THRAP3: variants seen among roughly 807,000 people sequenced by gnomAD.
THRAP3 encodes thyroid hormone receptor-associated protein 3.
Under a neutral mutation model 101.0 loss-of-function variants are expected in THRAP3, and 16 were observed. The ratio of observed to expected loss-of-function variants is 0.16; its 90% CI spans 0.11 to 0.24. THRAP3 has a LOEUF of 0.24. Ranked by LOEUF, THRAP3 falls within the 10% of genes least tolerant of loss-of-function variation. The probability of loss-of-function intolerance (pLI) is 1.00; values close to 1 mark genes in which losing one functional copy is unlikely to be tolerated. For synonymous variants in THRAP3, 407 were observed against 422.6 expected, an observed-to-expected ratio of 0.96 and a Z score of 0.45; for missense variants, 989 against 1,202.7, an observed-to-expected ratio of 0.82 and a Z score of 2.63.
At chr1:36,273,121 A>G (rs1030523293) in intron 2 of THRAP3, among the ~76,000 whole-genome samples, 1 of 152,250 alleles carries the variant, frequency 6.6e-6, no homozygotes, top group East Asian at 1.9e-4. Flanking sequence ...TCTCTGGTTC[A>G]TTTTGTAGCC....
chr1:36,274,713 A>G (rs1645633667), intron 2 of THRAP3, among the ~76,000 whole-genome samples: 2 of 134,002 alleles, frequency 1.5e-5, no homozygotes, highest in Admixed American at 1.8e-4. Flanking sequence ...TCTCACTGCA[A>G]CCTCTACCTC....
chr1:36,282,049 G>C, intron 2 of THRAP3, among the ~76,000 whole-genome samples: 1 of 150,798 alleles, frequency 6.6e-6, no homozygotes, highest in Non-Finnish European at 1.5e-5. Flanking sequence ...CTCTAGCCTG[G>C]GCAACAAAAG....
At position 36,274,605 on chromosome 1, in the gene THRAP3, T is replaced by TA. The variant is rs1570308508; in HGVS notation, c.-31-7927dup. 2.7e-5 allele frequency among the ~76,000 whole-genome samples: 4 copies of TA among 150,334 alleles called. No homozygotes were observed. The South Asian group carries it at 8.5e-4, about 32-fold the overall frequency. On this transcript the variant is annotated intron_variant, in intron 2 of 11. Coordinates refer to ENST00000354618, the MANE Select transcript of THRAP3 (RefSeq NM_005119.4). Reference sequence around the variant, plus strand: ...AATTGAGAGTCCGGAAATGAATCCTTACATTTATGATTAATTGGGCTTTTT... The same window carrying TA: ...AATTGAGAGTCCGGAAATGAATCCTTAACATTTATGATTAATTGGGCTTTTT...
At chr1:36,296,474 C>T in intron 8 of THRAP3, 109 bp from the exon 9 acceptor site, 1 of 833,728 alleles carries the variant, frequency 1.2e-6, no homozygotes, top group Admixed American at 2.9e-5. Flanking sequence ...TCACATTTCC[C>T]AGTGCTTCCT....
chr1:36,289,444 A>C lies in THRAP3; in HGVS notation c.1425A>C (p.Val475=). The change falls in exon 5 of 12, where the codon GTA becomes GTC. Residue 475 remains valine, a synonymous_variant. Coordinates refer to ENST00000354618, the MANE Select transcript of THRAP3 (RefSeq NM_005119.4). ...EEKSGKWEGL[V]YAPPGKEKQR... is the part of the protein sequence containing the mutation. ...AGTCAGGCAAATGGGAGGGCCTGGT[A>C]TATGCACCTCCAGGGAAGGAAAAGC... 1.9e-6 allele frequency: 3 copies of C among 1,614,244 alleles called. No individual in the cohort carries two copies. Among genetic ancestry groups the C allele is most frequent in the Non-Finnish European group, 2.5e-6 (3 of 1,180,044 alleles).
At chr1:36,232,889 T>TG (rs1251664868) in intron 1 of THRAP3, among the ~76,000 whole-genome samples, 1 of 148,208 alleles carries the variant, frequency 6.7e-6, no homozygotes. Flanking sequence ...CTTTTTTTTT[T>TG]TTTTTGAGAC....
At chr1:36,258,567 C>T (rs1408340480) in intron 1 of THRAP3, among the ~76,000 whole-genome samples, 1 of 152,176 alleles carries the variant, frequency 6.6e-6, no homozygotes, top group Non-Finnish European at 1.5e-5. Flanking sequence ...GCTCCACCTC[C>T]TGGGTTCACG....
Position 36,286,963 on chromosome 1 carries a change from C to G in THRAP3, c.733C>G (p.Arg245Gly), listed in dbSNP as rs187894311. Reference sequence around the variant, plus strand: ...CTCAGCAGTTTCTGAGCTGAGTCCTCGGGAGCGAAGCCCAGCTCTCAAAAG... The same window carrying G: ...CTCAGCAGTTTCTGAGCTGAGTCCTGGGGAGCGAAGCCCAGCTCTCAAAAG... Reference protein sequence around the residue: ...RASAVSELSPRERSPALKSPL... With the variant: ...RASAVSELSPGERSPALKSPL... The change falls in exon 4 of 12, where the codon CGG becomes GGG. Residue 245 changes from arginine to glycine, a missense_variant. Coordinates refer to ENST00000354618, the MANE Select transcript of THRAP3 (RefSeq NM_005119.4). The surrounding 1 kb of genome is among the most constrained non-coding windows in gnomAD (Gnocchi z 5.5). The G allele has an allele frequency of 2.5e-5, 41 of 1,614,090 alleles. No individual in the cohort carries two copies. The highest frequency in any genetic ancestry group is 2.5e-4 in the South Asian group (23 of 91,090).
chr1:36,264,015 TA>T (rs1417962084), intron 2 of THRAP3, among the ~76,000 whole-genome samples: 12 of 152,260 alleles, frequency 7.9e-5, no homozygotes, highest in Non-Finnish European at 8.8e-5. Context: ...TATTGCTGTG[TA>T]GGAAGATACC....
intron 1 of THRAP3, among the ~76,000 whole-genome samples, chr1:36,255,087 T>G (rs1197907035): frequency 6.7e-6 from 1 of 149,462 alleles, no homozygotes. Flanking sequence ...ATGCTTAGTA[T>G]TTTTTTTTTA....
intron 8 of THRAP3, 135 bp from the exon 9 acceptor site, chr1:36,296,448 G>T (rs1034895525): frequency 4.5e-6 from 3 of 668,674 alleles, no homozygotes; most frequent in Non-Finnish European, 7.4e-6. Context: ...TCCCTTCCAA[G>T]CTTGGGTGAG....
intron 6 of THRAP3, 95 bp downstream of exon 6, chr1:36,291,641 C>A (rs1002460181): frequency 7.1e-7 from 1 of 1,414,420 alleles, no homozygotes; most frequent in Non-Finnish European, 9.7e-7. Context: ...GACCTTGTAT[C>A]TCATCTAAAG....
chr1:36,290,848 G>C (rs931004792), intron 5 of THRAP3, among the ~76,000 whole-genome samples: 12 of 152,256 alleles, frequency 7.9e-5, no homozygotes, highest in Admixed American at 6.5e-4. Context: ...AAGGCTGACT[G>C]GTTTTTTACT....
chr1:36,215,080 C>T, the THRAP3 span, among the ~76,000 whole-genome samples: 20 of 151,494 alleles, frequency 1.3e-4, no homozygotes, highest in African/African-American at 3.4e-4. Flanking sequence ...AAAAATTAGC[C>T]GAGCATGGTG....
intron 2 of THRAP3, among the ~76,000 whole-genome samples, chr1:36,267,153 G>A (rs1393969371): frequency 6.6e-6 from 1 of 152,096 alleles, no homozygotes; most frequent in Non-Finnish European, 1.5e-5. Flanking sequence ...CAAAGTGCTG[G>A]TATTACAGGC....
At chr1:36,293,640 CTGTGTGTGTGTG>C (rs577292328) in intron 7 of THRAP3, among the ~76,000 whole-genome samples, 199 bp from the exon 8 acceptor site, 4,957 of 133,410 alleles carry the variant, frequency 0.037, 321 homozygotes, top group African/African-American at 0.13. Context: ...GAACCTGGGA[CTGTGTGTGTGTG>C]TGTGTGTGTG....
chr1:36,295,087 G>A (rs1332561757), intron 8 of THRAP3, among the ~76,000 whole-genome samples: 1 of 152,134 alleles, frequency 6.6e-6, no homozygotes, highest in African/African-American at 2.4e-5. Flanking sequence ...GCCGGGTGTG[G>A]TAGTGCATGC....
intron 2 of THRAP3, among the ~76,000 whole-genome samples, chr1:36,274,911 G>C (rs1289715767): frequency 6.6e-6 from 1 of 150,830 alleles, no homozygotes; most frequent in Non-Finnish European, 1.5e-5. Context: ...GATTACAGGC[G>C]TGAGCCACTG....
At position 36,257,843 on chromosome 1, in the gene THRAP3, G is replaced by GT. The variant is rs531501709; in HGVS notation, c.-134-1532dup. On this transcript the variant is annotated intron_variant, in intron 1 of 11. Coordinates refer to ENST00000354618, the MANE Select transcript of THRAP3 (RefSeq NM_005119.4). ...AGATGGATGTATTGGAATAGATTGT[G>GT]TTTTTTTGTTGTTTTGAGACAGAGT... 1.5e-4 allele frequency among the ~76,000 whole-genome samples: 23 copies of GT among 152,114 alleles called. No individual in the cohort carries two copies. The East Asian group carries it at 3.3e-3, about 22-fold the overall frequency.
Sources: allele counts gnomAD v4.1 joint callset (sites outside exome capture counted in the v4.1 genomes callset), GRCh38; gene constraint gnomAD v4.1.1; non-coding constraint Gnocchi (gnomAD v3.1); transcripts MANE v1.5; gene names NCBI Gene and HGNC (gene_info 2026-07-23, HGNC 2026-07-21).